Variants in C6orf132 observed in about 807,000 individuals in gnomAD.
C6orf132 encodes uncharacterized protein C6orf132.
C6orf132 carries 43 observed loss-of-function variants against 65.3 expected under a neutral mutation model. That is an observed-to-expected ratio of 0.66 (90% CI 0.52 to 0.85). The LOEUF (loss-of-function observed/expected upper bound fraction) is 0.85, where lower values mean the gene tolerates loss of function less well. Among genes scored for constraint, C6orf132 ranks in the 40% least tolerant of loss-of-function variants. The pLI is 0.00. For synonymous variants in C6orf132, 631 were observed against 654.1 expected (o/e 0.96, Z 0.54); for missense variants, 1,488 against 1,548.8 (o/e 0.96, Z 0.66).
In C6orf132 at chr6:42,124,562, G is replaced by T. The variant is rs1270732665; in HGVS notation, c.252+4110C>A. ...TGGCCTGGGAGGTGCCTCTGAATGTGGGAAGGGAGGACAGGGAGGGGTGGA... is the reference window on the plus strand; with the variant it reads ...TGGCCTGGGAGGTGCCTCTGAATGTTGGAAGGGAGGACAGGGAGGGGTGGA... On this transcript the variant is annotated intron_variant, in intron 2 of 4. Coordinates refer to ENST00000341865, the MANE Select transcript of C6orf132 (RefSeq NM_001164446.3). This position sits in a 1 kb window ranked among gnomAD's most constrained non-coding sequence, Gnocchi z 4.0. 6.6e-6 allele frequency among the ~76,000 whole-genome samples: 1 copy of T among 152,212 alleles called. No individual in the cohort carries two copies. Among genetic ancestry groups the T allele is most frequent in the East Asian group, 1.9e-4 (1 of 5,182 alleles).
At chr6:42,128,003 C>A (rs1335859521) in intron 2 of C6orf132, among the ~76,000 whole-genome samples, 1 of 150,966 alleles carries the variant, frequency 6.6e-6, no homozygotes, top group African/African-American at 2.4e-5. Flanking sequence ...TGGTTCACTG[C>A]AAGCTCCGCC....
chr6:42,131,009 C>T (rs1056269937), intron 1 of C6orf132, among the ~76,000 whole-genome samples: 3 of 152,108 alleles, frequency 2.0e-5, no homozygotes, highest in Admixed American at 6.5e-5. Context: ...CCTCAGCCTC[C>T]GAAGTAGTTG....
chr6:42,107,313 G>A lies in C6orf132; in HGVS notation c.599C>T (p.Pro200Leu). 1 of 1,369,062 alleles carries A rather than the reference G, an allele frequency of 7.3e-7. No homozygotes were observed. Among genetic ancestry groups the A allele is most frequent in the Non-Finnish European group, 9.6e-7 (1 of 1,041,474 alleles). 84.8% of individuals were successfully genotyped at this position (1,369,062 alleles called of 1,614,324 possible). Residue 200 changes from proline (P) to leucine (L), a missense_variant, in exon 4 of 5, where the codon CCA becomes CTA. Coordinates refer to ENST00000341865, the MANE Select transcript of C6orf132 (RefSeq NM_001164446.3). ...PPPVLEALSP[P>L]HTLSSPSIPT... ...TATGGATGGGGAGGAAAGAGTGTGTGGTGGGGATAGGGCCTCCAATACTGG... is the reference window on the plus strand; with the variant it reads ...TATGGATGGGGAGGAAAGAGTGTGTAGTGGGGATAGGGCCTCCAATACTGG...
chr6:42,118,747 G>A (rs552091042), intron 2 of C6orf132, among the ~76,000 whole-genome samples: 2 of 152,220 alleles, frequency 1.3e-5, no homozygotes, highest in East Asian at 1.9e-4. Context: ...ACGAAACTGG[G>A]CCTCAGCACT....
Position 42,106,504 on chromosome 6 carries a change from G to A in C6orf132, c.1408C>T (p.Leu470=), listed in dbSNP as rs1195810874. Residue 470 remains leucine, a synonymous_variant, in exon 4 of 5, where the codon CTG becomes TTG. Transcript: ENST00000341865. ...AGATAGGCTGCCAGCTCGTTCCGCA[G>A]CTTTTCCATCTGGCTGGGGTCCCTC... ...DWRDPSQMEK[L]RNELAAYLCG... 6.5e-7 allele frequency: 1 copy of A among 1,536,502 alleles called. No homozygotes were observed.
At chr6:42,138,222 C>T (rs1041012203) in intron 1 of C6orf132, among the ~76,000 whole-genome samples, 2 of 152,218 alleles carry the variant, frequency 1.3e-5, no homozygotes, top group Non-Finnish European at 1.5e-5. Context: ...TCATAGCTGA[C>T]TGCAGCCTCT....
At chr6:42,115,779 T>G (rs994177657) in intron 2 of C6orf132, among the ~76,000 whole-genome samples, 30 of 152,194 alleles carry the variant, frequency 2.0e-4, no homozygotes, top group African/African-American at 7.0e-4. Flanking sequence ...CAACTTAGAA[T>G]GTGTGTAACC....
chr6:42,118,261 A>G (rs1485523591), intron 2 of C6orf132, among the ~76,000 whole-genome samples: 3 of 152,176 alleles, frequency 2.0e-5, no homozygotes, highest in African/African-American at 7.2e-5. Flanking sequence ...GCAGCAGGGT[A>G]GAGGCAGGAG....
At chr6:42,137,857 A>C (rs933073501) in intron 1 of C6orf132, among the ~76,000 whole-genome samples, 11 of 150,702 alleles carry the variant, frequency 7.3e-5, no homozygotes, top group African/African-American at 2.7e-4. Flanking sequence ...GAGGTGGATC[A>C]CGAGGTCAGG....
Position 42,102,889 on chromosome 6 carries a change from T to A in C6orf132, c.*872A>T. ...AAAAATGCCTTCTCCAAATCCCATA[T>A]GAGACCTGGCCATGTAAGGCCCCTA... On this transcript the variant is annotated 3_prime_UTR_variant, in exon 5 of 5. Coordinates refer to ENST00000341865, the MANE Select transcript of C6orf132 (RefSeq NM_001164446.3). 2 of 396,550 alleles carry A rather than the reference T, an allele frequency of 5.0e-6. No individual in the cohort carries two copies. The highest frequency in any genetic ancestry group is 3.6e-5 in the East Asian group (1 of 28,030). The allele number at this position is 396,550 out of a possible 1,614,324, so 24.6% of individuals were successfully genotyped here.
intron 2 of C6orf132, among the ~76,000 whole-genome samples, chr6:42,110,838 T>C (rs928006739): frequency 2.3e-4 from 35 of 152,258 alleles, no homozygotes; most frequent in African/African-American, 7.5e-4. Context: ...TTTTCACTGC[T>C]CTGTGCATGT....
rs1766632733 is a variant in C6orf132, at chr6:42,118,969, G to C, written c.253-8678C>G. On this transcript the variant is annotated intron_variant, in intron 2 of 4. Coordinates refer to ENST00000341865, the MANE Select transcript of C6orf132 (RefSeq NM_001164446.3). ...GCTCACCGCAGCCTCAAATTCCTGA[G>C]CTCCTGTAATCCCAGCACTTTGGGA... Among the ~76,000 whole-genome samples, 3 of 137,198 alleles carry C rather than the reference G, an allele frequency of 2.2e-5. No individual in the cohort carries two copies. The Admixed American group carries it at 2.4e-4, about 11-fold the overall frequency. 90.0% of individuals were successfully genotyped at this position (137,198 alleles called of 152,430 possible).
At position 42,101,359 on chromosome 6, in the gene C6orf132, A is replaced by T. The variant is rs916351857; in HGVS notation, c.*2402T>A. On this transcript the variant is annotated 3_prime_UTR_variant, in exon 5 of 5. Transcript: ENST00000341865. Reference sequence around the variant, plus strand: ...TCACGTTCCCTGTTTTTTCCTTCTTACTACTCCTTGTAATTTATGATGTTT... The same window carrying T: ...TCACGTTCCCTGTTTTTTCCTTCTTTCTACTCCTTGTAATTTATGATGTTT... The T allele has an allele frequency of 2.0e-5, 3 of 152,104 alleles. No individual in the cohort carries two copies. Among genetic ancestry groups the T allele is most frequent in the Non-Finnish European group, 4.4e-5 (3 of 68,032 alleles). 9.4% of individuals were successfully genotyped at this position (152,104 alleles called of 1,614,324 possible).
At chr6:42,133,102 T>C (rs1766878909) in intron 1 of C6orf132, among the ~76,000 whole-genome samples, 1 of 152,174 alleles carries the variant, frequency 6.6e-6, no homozygotes, top group South Asian at 2.1e-4. Context: ...CCTTGGGGAA[T>C]TTCCTATTGG....
In C6orf132 at chr6:42,106,573, G is replaced by A. The variant is rs961300797; in HGVS notation, c.1339C>T (p.Pro447Ser). Residue 447 changes from proline (P) to serine (S), a missense_variant, in exon 4 of 5, where the codon CCC becomes TCC. Physicochemically the swap from Pro to Ser is moderately conservative, Grantham distance 74 (BLOSUM62 -1). Coordinates refer to ENST00000341865, the MANE Select transcript of C6orf132 (RefSeq NM_001164446.3). ...GACGCTGTGTTCTCTGGGCTGGGGG[G>A]GTTGGGTTTGGGTTTGAGAGCAGGA... ...SSPALKPKPN[P>S]PSPENTASSA... 3.1e-5 allele frequency: 48 copies of A among 1,534,690 alleles called. No homozygotes were observed. Among genetic ancestry groups the A allele is most frequent in the Non-Finnish European group, 4.0e-5 (46 of 1,145,312 alleles).
At chr6:42,135,574 C>T (rs1333255771) in intron 1 of C6orf132, among the ~76,000 whole-genome samples, 2 of 152,196 alleles carry the variant, frequency 1.3e-5, no homozygotes. Context: ...GTTCTTCCTC[C>T]CTCAGCCCCA....
At chr6:42,123,463 GAGA>G (rs764160265) in intron 2 of C6orf132, among the ~76,000 whole-genome samples, 80 of 96,664 alleles carry the variant, frequency 8.3e-4, no homozygotes, top group Middle Eastern at 5.4e-3. Context: ...GAAGGAGAAG[GAGA>G]AGAAGGAGAA....
intron 2 of C6orf132, among the ~76,000 whole-genome samples, chr6:42,118,868 A>ATTTT (rs546407195): frequency 2.7e-5 from 3 of 113,196 alleles, no homozygotes; most frequent in Non-Finnish European, 5.3e-5. Flanking sequence ...CAGCCCTTTA[A>ATTTT]TTTTTTTTTT....
At chr6:42,130,149 G>A (rs4714569) in intron 1 of C6orf132, among the ~76,000 whole-genome samples, 81,662 of 152,080 alleles carry the variant, frequency 0.54, 22,449 homozygotes, top group East Asian at 0.65. Context: ...GCTTCTCCAC[G>A]TCTCAAAAGG....
Sources: allele counts gnomAD v4.1 joint callset (sites outside exome capture counted in the v4.1 genomes callset), GRCh38; gene constraint gnomAD v4.1.1; non-coding constraint Gnocchi (gnomAD v3.1); transcripts MANE v1.5; gene names NCBI Gene and HGNC (gene_info 2026-07-23, HGNC 2026-07-21).